The following COPG1 variants were observed in gnomAD, a reference collection of about 807,000 sequenced individuals.
COPG1 encodes the protein coatomer subunit gamma-1.
In COPG1, 29 loss-of-function variants were observed where a neutral mutation model predicts 102.8. The ratio of observed to expected loss-of-function variants is 0.28; its 90% CI spans 0.21 to 0.38. COPG1 has a LOEUF of 0.38. COPG1 is among the 10% of genes least tolerant of loss of function. The pLI is 1.00. For synonymous variants in COPG1, 406 were observed against 421.6 expected, an observed-to-expected ratio of 0.96 and a Z score of 0.45; for missense variants, 875 against 1,132.7, an observed-to-expected ratio of 0.77 and a Z score of 3.27.
In COPG1 at chr3:129,275,229, C is replaced by T; in HGVS notation, c.2431C>T (p.His811Tyr). The change falls in exon 23 of 24, where the codon CAC becomes TAC. Residue 811 changes from histidine to tyrosine, a missense_variant. Physicochemically the swap from His to Tyr is moderately conservative, Grantham distance 83 (BLOSUM62 2). Coordinates refer to ENST00000314797, the MANE Select transcript of COPG1 (RefSeq NM_016128.4). The surrounding 1 kb of genome is among the most constrained non-coding windows in gnomAD (Gnocchi z 5.0). ...TAATATTGTGAAGTTCTTGGGAATG[C>T]ACCCTTGTGAGAGGTCAGACAAAGT... ...VGNIVKFLGMHPCERSDKVPD... is the reference protein window; with the variant it reads ...VGNIVKFLGMYPCERSDKVPD... The T allele has an allele frequency of 6.2e-7, 1 of 1,614,156 alleles. No individual in the cohort carries two copies.
At position 129,268,603 on chromosome 3, in the gene COPG1, T is replaced by C. The variant is rs756571569; in HGVS notation, c.1757T>C (p.Met586Thr). ...LKSVPLATAP[M>T]AEQRTESTPI... ...TCTGTGCCCCTGGCCACGGCGCCCATGGCAGAGCAGAGAACAGGTAACACT... is the reference window on the plus strand; with the variant it reads ...TCTGTGCCCCTGGCCACGGCGCCCACGGCAGAGCAGAGAACAGGTAACACT... Residue 586 changes from methionine to threonine, a missense_variant, in exon 17 of 24, where the codon ATG (methionine) becomes ACG (threonine). Coordinates refer to ENST00000314797, the MANE Select transcript of COPG1 (RefSeq NM_016128.4). The C allele has an allele frequency of 2.5e-6, 4 of 1,614,178 alleles. No individual in the cohort carries two copies. The Admixed American group carries it at 6.7e-5, about 27-fold the overall frequency.
chr3:129,256,710 G>T (rs1939817889), intron 8 of COPG1, among the ~76,000 whole-genome samples: 1 of 152,224 alleles, frequency 6.6e-6, no homozygotes, highest in Non-Finnish European at 1.5e-5. Flanking sequence ...GGCGCTCCCT[G>T]TGTGTTTATG....
rs1940178528 is a variant in COPG1 at position 129,271,407 on chromosome 3, C to T, written c.1844-360C>T. ...ATCTTATTTTCCTAATTGTCACCTT[C>T]TTTTAAGAATCCTTGCTGCGGTAGG... On this transcript the variant is annotated intron_variant, in intron 18 of 23. Transcript: ENST00000314797. This position sits in a 1 kb window ranked among gnomAD's most constrained non-coding sequence, Gnocchi z 4.7. 6.6e-6 allele frequency among the ~76,000 whole-genome samples: 1 copy of T among 152,188 alleles called. No homozygotes were observed. The highest frequency in any genetic ancestry group is 2.1e-4 in the South Asian group (1 of 4,838).
At position 129,257,454 on chromosome 3, in the gene COPG1, G is replaced by A; in HGVS notation, c.580-16G>A. 1.2e-6 allele frequency: 2 copies of A among 1,613,746 alleles called. No individual in the cohort carries two copies. Among genetic ancestry groups the A allele is most frequent in the Non-Finnish European group, 1.7e-6 (2 of 1,179,686 alleles). Reference sequence around the variant, plus strand: ...AGTCATACATTTGTACTCTGTTGCTGTCTCCTGTCCTATAGTACCACGCAC... The same window carrying A: ...AGTCATACATTTGTACTCTGTTGCTATCTCCTGTCCTATAGTACCACGCAC... On this transcript the variant is annotated splice_polypyrimidine_tract_variant and intron_variant, in intron 8 of 23. Transcript: ENST00000314797.
intron 5 of COPG1, among the ~76,000 whole-genome samples, chr3:129,253,619 T>G (rs1046990420): frequency 1.3e-5 from 2 of 152,174 alleles, no homozygotes. Flanking sequence ...CAGAAGAGCA[T>G]CCAGCTTGAT....
chr3:129,252,456 C>T (rs1939720237), intron 3 of COPG1, 95 bp downstream of exon 3: 3 of 1,069,828 alleles, frequency 2.8e-6, no homozygotes, highest in Admixed American at 3.5e-5. Flanking sequence ...TGGACAGCCT[C>T]TGTGTGGCTG....
intron 3 of COPG1, 129 bp downstream of exon 3, chr3:129,252,490 C>A: frequency 9.9e-7 from 1 of 1,005,912 alleles, no homozygotes; most frequent in South Asian, 1.4e-5. Flanking sequence ...AGCTCTGGGT[C>A]CCCTCAGCAT....
rs935117061 is a variant in COPG1 at position 129,257,633 on chromosome 3, G to A, written c.737+6G>A. ...CTGGAAGAGGAGGATGGCAGGTAAC[G>A]GCTCTCATCTCTCACCAGCTAGATG... On this transcript the variant is annotated splice_donor_region_variant and intron_variant, in intron 9 of 23. Coordinates refer to ENST00000314797, the MANE Select transcript of COPG1 (RefSeq NM_016128.4). 31 of 1,614,048 alleles carry A rather than the reference G, an allele frequency of 1.9e-5. No individual in the cohort carries two copies. The highest frequency in any genetic ancestry group is 5.3e-5 in the African/African-American group (4 of 74,922).
chr3:129,259,213 A>T (rs1487075275), intron 10 of COPG1, among the ~76,000 whole-genome samples: 1 of 152,200 alleles, frequency 6.6e-6, no homozygotes, highest in Non-Finnish European at 1.5e-5. Flanking sequence ...CTGTAATCCC[A>T]GCGCTTTGGG....
intron 2 of COPG1, 99 bp downstream of exon 2, chr3:129,250,833 A>G (rs764744743): frequency 1.6e-5 from 17 of 1,065,720 alleles, no homozygotes; most frequent in Non-Finnish European, 2.4e-5. Context: ...AAAGAGCAAC[A>G]CGGGAGAAAA....
Position 129,272,802 on chromosome 3 carries a change from C to G in COPG1, c.2159-5C>G, listed in dbSNP as rs749895573. ...TCCTAACTACCCAGCCTCTCTTCCCCACAGTGGCCTGCACATTCAGCTGCA... is the reference window on the plus strand; with the variant it reads ...TCCTAACTACCCAGCCTCTCTTCCCGACAGTGGCCTGCACATTCAGCTGCA... On this transcript the variant is annotated splice_region_variant and splice_polypyrimidine_tract_variant and intron_variant, in intron 20 of 23. Transcript: ENST00000314797. 5 of 1,605,192 alleles carry G rather than the reference C, an allele frequency of 3.1e-6. No individual in the cohort carries two copies. Among genetic ancestry groups the G allele is most frequent in the Non-Finnish European group, 3.4e-6 (4 of 1,172,492 alleles).
intron 6 of COPG1, 70 bp downstream of exon 6, chr3:129,254,813 T>C: frequency 7.0e-7 from 1 of 1,438,758 alleles, no homozygotes. Context: ...TTTTGCATTC[T>C]TTGGGGTGTC....
At chr3:129,259,958 C>T (rs2107675097) in intron 10 of COPG1, among the ~76,000 whole-genome samples, 1 of 152,282 alleles carries the variant, frequency 6.6e-6, no homozygotes, top group East Asian at 1.9e-4. Flanking sequence ...CTTGGTTCTG[C>T]CACTTACTGG....
intron 1 of COPG1, 60 bp from the exon 2 acceptor site, chr3:129,250,616 CCTATGT>C: frequency 7.7e-7 from 1 of 1,295,120 alleles, no homozygotes; most frequent in South Asian, 1.2e-5. Context: ...CTTCCCTTTA[CCTATGT>C]CTGGGAGAGT....
At chr3:129,256,814 A>G (rs61512266) in intron 8 of COPG1, among the ~76,000 whole-genome samples, 10,960 of 152,282 alleles carry the variant, frequency 0.072, 1,226 homozygotes, top group African/African-American at 0.24. Flanking sequence ...TGAGGGCCAG[A>G]TAAGCTTCCC....
chr3:129,256,639 G>A (rs1939816327), intron 8 of COPG1, among the ~76,000 whole-genome samples: 1 of 152,218 alleles, frequency 6.6e-6, no homozygotes, highest in South Asian at 2.1e-4. Context: ...TCACAAAGCA[G>A]CAAGGACGAG....
Position 129,272,227 on chromosome 3 carries a change from C to T in COPG1, c.1987-17C>T, listed in dbSNP as rs764997193. ...GACCTAGTGCAATGTTTAAGCTCCCCTCTCTTTCCTGTTCAGTTTGACTGC... is the reference window on the plus strand; with the variant it reads ...GACCTAGTGCAATGTTTAAGCTCCCTTCTCTTTCCTGTTCAGTTTGACTGC... On this transcript the variant is annotated splice_polypyrimidine_tract_variant and intron_variant, in intron 19 of 23. Coordinates refer to ENST00000314797, the MANE Select transcript of COPG1 (RefSeq NM_016128.4). The T allele has an allele frequency of 1.2e-6, 2 of 1,611,878 alleles. No homozygotes were observed. Among genetic ancestry groups the T allele is most frequent in the East Asian group, 2.2e-5 (1 of 44,854 alleles).
rs143365810 is a variant in COPG1, at chr3:129,275,601, A to G, written c.2494+309A>G. Among the ~76,000 whole-genome samples, 201 of 152,250 alleles carry G rather than the reference A, an allele frequency of 1.3e-3. No individual in the cohort carries two copies. Among genetic ancestry groups the G allele is most frequent in the African/African-American group, 4.6e-3 (193 of 41,564 alleles). On this transcript the variant is annotated intron_variant, in intron 23 of 23. Coordinates refer to ENST00000314797, the MANE Select transcript of COPG1 (RefSeq NM_016128.4). This position sits in a 1 kb window ranked among gnomAD's most constrained non-coding sequence, Gnocchi z 5.0. ...TTTTAACTCAAATGTTTATGTACAA[A>G]TGGTATATATATTGTCCTCCGATTT...
At position 129,277,459 on chromosome 3, in the gene COPG1, C is replaced by T; in HGVS notation, c.*35C>T. 6.2e-7 allele frequency: 1 copy of T among 1,607,506 alleles called. No individual in the cohort carries two copies. The highest frequency in any genetic ancestry group is 8.5e-7 in the Non-Finnish European group (1 of 1,175,772). ...CTGCATAGGACCTCATACCCTTCCCCAACACTACCTGGAAGTTGTGCCTTC... is the reference window on the plus strand; with the variant it reads ...CTGCATAGGACCTCATACCCTTCCCTAACACTACCTGGAAGTTGTGCCTTC... On this transcript the variant is annotated 3_prime_UTR_variant, in exon 24 of 24. Coordinates refer to ENST00000314797, the MANE Select transcript of COPG1 (RefSeq NM_016128.4).
Sources: allele counts gnomAD v4.1 joint callset (sites outside exome capture counted in the v4.1 genomes callset), GRCh38; gene constraint gnomAD v4.1.1; non-coding constraint Gnocchi (gnomAD v3.1); transcripts MANE v1.5; gene names NCBI Gene and HGNC (gene_info 2026-07-23, HGNC 2026-07-21).